Variants in PRMT1 observed in about 807,000 individuals in gnomAD.
PRMT1 encodes protein arginine N-methyltransferase 1.
Under a neutral mutation model 47.4 loss-of-function variants are expected in PRMT1, and 5 were observed. The observed-to-expected ratio is 0.11, with a 90% CI of 0.06 to 0.22. The LOEUF (loss-of-function observed/expected upper bound fraction) is 0.22. Among genes scored for constraint, PRMT1 ranks in the 10% least tolerant of loss-of-function variants. The pLI, the probability that PRMT1 is intolerant of heterozygous loss-of-function variation, is 1.00. For missense variants in PRMT1, 249 were observed against 518.4 expected (o/e 0.48, Z 5.05); for synonymous variants, 227 against 204.6 (o/e 1.11, Z -0.94).
In PRMT1 at chr19:49,685,422, A is replaced by G. The variant is rs761891748; in HGVS notation, c.759+385A>G. On this transcript the variant is annotated intron_variant, in intron 8 of 10. Transcript: ENST00000454376. This position sits in a 1 kb window ranked among gnomAD's most constrained non-coding sequence, Gnocchi z 4.7. ...CCTGAGGTCCCAGCTACTCGGGAGGATCACTTGGGCCTGGGAGTTCAAGGC... is the reference window on the plus strand; with the variant it reads ...CCTGAGGTCCCAGCTACTCGGGAGGGTCACTTGGGCCTGGGAGTTCAAGGC... The G allele has an allele frequency of 6.0e-5, 71 of 1,191,000 alleles. No homozygotes were observed. The highest frequency in any genetic ancestry group is 7.4e-5 in the Non-Finnish European group (70 of 949,184). 73.8% of individuals were successfully genotyped at this position (1,191,000 alleles called of 1,614,324 possible).
rs759104655 is a variant in PRMT1 at position 49,679,788 on chromosome 19, C to G, written c.37-84C>G. ...AGGAGAATTGCTGGAAACCCACCCC[C>G]CGGCCAGAGCCCAGGTTCCGCCACC... On this transcript the variant is annotated intron_variant, in intron 1 of 10. Coordinates refer to ENST00000454376, the MANE Select transcript of PRMT1 (RefSeq NM_001536.6). The G allele has an allele frequency of 3.2e-5, 34 of 1,055,644 alleles. 1 individual carries two copies. The Middle Eastern group carries it at 1.4e-3, about 45-fold the overall frequency. The allele number at this position is 1,055,644 out of a possible 1,614,324, so 65.4% of individuals were successfully genotyped here.
chr19:49,677,297 C>A lies in PRMT1; in HGVS notation c.17C>A (p.Ala6Asp). 1 of 1,409,908 alleles carries A rather than the reference C, an allele frequency of 7.1e-7. No individual in the cohort carries two copies. 87.3% of individuals were successfully genotyped at this position (1,409,908 alleles called of 1,614,324 possible). Reference sequence around the variant, plus strand: ...CGGGTGAAGATGGCGGCAGCCGAGGCCGCGAACTGCATCATGGAGGTGAGC... The same window carrying A: ...CGGGTGAAGATGGCGGCAGCCGAGGACGCGAACTGCATCATGGAGGTGAGC... MAAAE[A>D]ANCIMENFVA... The change falls in exon 1 of 11, where the codon GCC becomes GAC. Residue 6 changes from alanine to aspartate, a missense_variant. Ala to Asp is a moderately radical substitution (Grantham distance 126). Transcript: ENST00000454376.
chr19:49,679,589 G>A (rs534487671), intron 1 of PRMT1: 840 of 688,694 alleles, frequency 1.2e-3, no homozygotes, highest in Non-Finnish European at 1.7e-3. Context: ...GCCTGGATGG[G>A]GGAGGTGTGT....
chr19:49,677,950 C>T (rs987214479), intron 1 of PRMT1, among the ~76,000 whole-genome samples: 7 of 152,180 alleles, frequency 4.6e-5, no homozygotes, highest in South Asian at 4.1e-4. Flanking sequence ...CCCCGTTTCC[C>T]CTCCCAGAAT....
chr19:49,688,170 G>A lies in PRMT1; in HGVS notation c.1041G>A (p.Leu347=), dbSNP rs2082240283. The A allele has an allele frequency of 6.2e-7, 1 of 1,613,744 alleles. No homozygotes were observed. The highest frequency in any genetic ancestry group is 8.5e-7 in the Non-Finnish European group (1 of 1,179,898). Reference sequence around the variant, plus strand: ...CCCACCTCTCCCTGCAGCGGGACCTGGACTTCACCATCGACCTGGACTTCA... The same window carrying A: ...CCCACCTCTCCCTGCAGCGGGACCTAGACTTCACCATCGACCTGGACTTCA... The part of the protein sequence containing the change: ...MRPNAKNNRD[L]DFTIDLDFKG... The change falls in exon 11 of 11, where the codon CTG becomes CTA. Residue 347 remains leucine (L), a synonymous_variant. Transcript: ENST00000454376. This position sits in a 1 kb window ranked among gnomAD's most constrained non-coding sequence, Gnocchi z 5.3.
At position 49,684,414 on chromosome 19, in the gene PRMT1, G is replaced by A. The variant is rs1258663412; in HGVS notation, c.556-340G>A. On this transcript the variant is annotated intron_variant, in intron 6 of 10. Coordinates refer to ENST00000454376, the MANE Select transcript of PRMT1 (RefSeq NM_001536.6). The surrounding 1 kb of genome is among the most constrained non-coding windows in gnomAD (Gnocchi z 6.2). ...CGTGTGGAACAGCAGGGAGGCCCGT[G>A]TGGAAGGAGGGTCTAGAACGGCAGC... is the stretch of plus-strand genomic sequence containing the variant. Among the ~76,000 whole-genome samples, 2 of 152,126 alleles carry A rather than the reference G, an allele frequency of 1.3e-5. No homozygotes were observed. Among genetic ancestry groups the A allele is most frequent in the African/African-American group, 4.8e-5 (2 of 41,418 alleles).
upstream of PRMT1, chr19:49,676,990 C>T (rs1319104355): frequency 5.5e-6 from 2 of 366,540 alleles, no homozygotes; most frequent in African/African-American, 2.1e-5. Context: ...TGGATTTTGC[C>T]CAATCACCAG....
Position 49,681,403 on chromosome 19 carries a change from C to T in PRMT1, c.193-507C>T, listed in dbSNP as rs980657509. 2.6e-5 allele frequency among the ~76,000 whole-genome samples: 4 copies of T among 152,004 alleles called. No homozygotes were observed. The highest frequency in any genetic ancestry group is 7.2e-5 in the African/African-American group (3 of 41,382). On this transcript the variant is annotated intron_variant, in intron 3 of 10. Transcript: ENST00000454376. The surrounding 1 kb of genome is among the most constrained non-coding windows in gnomAD (Gnocchi z 4.4). ...GTTCTTAGGTAGCAGTGGTGAAGTCCGGCCAAGATTGGAGTTTAGACCATC... is the reference window on the plus strand; with the variant it reads ...GTTCTTAGGTAGCAGTGGTGAAGTCTGGCCAAGATTGGAGTTTAGACCATC...
At chr19:49,683,870 G>T (rs1436602400) in intron 5 of PRMT1, 57 bp from the exon 6 acceptor site, 2 of 1,575,134 alleles carry the variant, frequency 1.3e-6, no homozygotes, top group Non-Finnish European at 1.7e-6. Context: ...CCCGGGGGAG[G>T]TGAGGTGAGG....
chr19:49,680,046 A>G lies in PRMT1; in HGVS notation c.90+121A>G. The G allele has an allele frequency of 8.2e-7, 1 of 1,216,564 alleles. No homozygotes were observed. The highest frequency in any genetic ancestry group is 1.2e-6 in the Non-Finnish European group (1 of 845,358). The allele number at this position is 1,216,564 out of a possible 1,614,324, so 75.4% of individuals were successfully genotyped here. On this transcript the variant is annotated intron_variant, in intron 2 of 10. Transcript: ENST00000454376. This position sits in a 1 kb window ranked among gnomAD's most constrained non-coding sequence, Gnocchi z 4.2. The stretch of plus-strand genomic sequence containing the variant: ...CTCTTGCTTCAAACCAGTTTACCCC[A>G]GGCCCCCAGACACTTAGTAGCAACC...
rs746258178 is a variant in PRMT1 at position 49,681,924 on chromosome 19, C to T, written c.207C>T (p.Asp69=). ...TCTTGCCCTAGGAGATGCTGAAGGA[C>T]GAGGTGCGCACCCTCACTTACCGCA... is the stretch of plus-strand genomic sequence containing the variant. ...HFGIHEEMLK[D]EVRTLTYRNS... is the part of the protein sequence containing the mutation. Residue 69 remains aspartate, a synonymous_variant, in exon 4 of 11, where the codon GAC becomes GAT. Coordinates refer to ENST00000454376, the MANE Select transcript of PRMT1 (RefSeq NM_001536.6). This position sits in a 1 kb window ranked among gnomAD's most constrained non-coding sequence, Gnocchi z 4.4. 24 of 1,613,552 alleles carry T rather than the reference C, an allele frequency of 1.5e-5. No homozygotes were observed. In the South Asian group the frequency reaches 2.1e-4, roughly 14 times the overall value.
At position 49,680,105 on chromosome 19, in the gene PRMT1, A is replaced by G; in HGVS notation, c.90+180A>G. 1 of 1,070,700 alleles carries G rather than the reference A, an allele frequency of 9.3e-7. No homozygotes were observed. Among genetic ancestry groups the G allele is most frequent in the Non-Finnish European group, 1.4e-6 (1 of 717,474 alleles). 66.3% of individuals were successfully genotyped at this position (1,070,700 alleles called of 1,614,324 possible). On this transcript the variant is annotated intron_variant, in intron 2 of 10. Coordinates refer to ENST00000454376, the MANE Select transcript of PRMT1 (RefSeq NM_001536.6). This position sits in a 1 kb window ranked among gnomAD's most constrained non-coding sequence, Gnocchi z 4.2. Reference sequence around the variant, plus strand: ...TTCACAGCCCCCGCTGGCCTCCCCCAGTATCGCCGCTACTTCCTTAACTCC... The same window carrying G: ...TTCACAGCCCCCGCTGGCCTCCCCCGGTATCGCCGCTACTTCCTTAACTCC...
chr19:49,686,780 A>C, intron 10 of PRMT1, 54 bp downstream of exon 10: 5 of 236,254 alleles, frequency 2.1e-5, no homozygotes, highest in Non-Finnish European at 3.3e-5. Context: ...GGGAGTGTAG[A>C]TTGGGGGGGG....
Position 49,680,147 on chromosome 19 carries a change from T to C in PRMT1, c.90+222T>C, listed in dbSNP as rs1402367104. On this transcript the variant is annotated intron_variant, in intron 2 of 10. Transcript: ENST00000454376. This position sits in a 1 kb window ranked among gnomAD's most constrained non-coding sequence, Gnocchi z 4.2. Reference sequence around the variant, plus strand: ...CTTAACTCCACCTCCAACCCCCCTTTGCCCTTCCCTGTGTCTGCCCCCATT... The same window carrying C: ...CTTAACTCCACCTCCAACCCCCCTTCGCCCTTCCCTGTGTCTGCCCCCATT... The C allele has an allele frequency of 6.9e-7, 1 of 1,442,350 alleles. No individual in the cohort carries two copies. Among genetic ancestry groups the C allele is most frequent in the African/African-American group, 1.4e-5 (1 of 71,450 alleles). 89.3% of individuals were successfully genotyped at this position (1,442,350 alleles called of 1,614,324 possible). A position where few individuals can be genotyped will look rare whatever the true frequency, so the allele number is the denominator to read the frequency against.
intron 5 of PRMT1, 65 bp from the exon 6 acceptor site, chr19:49,683,862 C>G (rs747787542): frequency 6.4e-7 from 1 of 1,561,714 alleles, no homozygotes; most frequent in Non-Finnish European, 8.7e-7. Context: ...CTCTAGCCCC[C>G]GGGGGAGGTG....
In PRMT1 at chr19:49,685,035, A is replaced by C; in HGVS notation, c.757A>C (p.Lys253Gln). 1 of 1,613,896 alleles carries C rather than the reference A, an allele frequency of 6.2e-7. No individual in the cohort carries two copies. The highest frequency in any genetic ancestry group is 8.5e-7 in the Non-Finnish European group (1 of 1,179,906). The change falls in exon 8 of 11, where the codon AAG becomes CAG. Residue 253 changes from lysine to glutamine, a missense_variant and splice_region_variant. This residue lies in a region of PRMT1 where 190 missense variants were observed against 456.7 expected (regional missense o/e 0.42). Transcript: ENST00000454376. The surrounding 1 kb of genome is among the most constrained non-coding windows in gnomAD (Gnocchi z 4.7). ...KQLVTNACLI[K>Q]EVDIYTVKVE... is the part of the protein sequence containing the mutation. The stretch of plus-strand genomic sequence containing the variant: ...GCTGGTCACCAACGCCTGCCTCATA[A>C]AGGTGAGGGGGTGGGCATGGCCAGG...
In PRMT1 at chr19:49,686,106, A is replaced by G. The variant is rs1194219021; in HGVS notation, c.773A>G (p.Tyr258Cys). ...NACLIKEVDI[Y>C]TVKVEDLTFT... Reference sequence around the variant, plus strand: ...CATGTCCTGCAGGAGGTGGACATCTATACCGTCAAGGTGGAAGACCTGACC... The same window carrying G: ...CATGTCCTGCAGGAGGTGGACATCTGTACCGTCAAGGTGGAAGACCTGACC... Residue 258 changes from tyrosine to cysteine, a missense_variant, in exon 9 of 11, where the codon TAT becomes TGT. Tyr to Cys is a radical substitution (Grantham distance 194). Coordinates refer to ENST00000454376, the MANE Select transcript of PRMT1 (RefSeq NM_001536.6). 6.2e-7 allele frequency: 1 copy of G among 1,613,688 alleles called. No individual in the cohort carries two copies. The highest frequency in any genetic ancestry group is 8.5e-7 in the Non-Finnish European group (1 of 1,179,812).
chr19:49,677,173 CG>C, upstream of PRMT1: 1 of 1,102,952 alleles, frequency 9.1e-7, no homozygotes, highest in South Asian at 2.9e-5. Flanking sequence ...AATCTTCCAG[CG>C]GGGTCGCGGT....
At chr19:49,683,773 A>G in intron 5 of PRMT1, 154 bp from the exon 6 acceptor site, 1 of 774,956 alleles carries the variant, frequency 1.3e-6, no homozygotes, top group Non-Finnish European at 2.0e-6. Context: ...GTCCAGAACG[A>G]TGTATGAATT....
Sources: allele counts gnomAD v4.1 joint callset (sites outside exome capture counted in the v4.1 genomes callset), GRCh38; gene constraint gnomAD v4.1.1; regional missense constraint gnomAD v4.1.1; non-coding constraint Gnocchi (gnomAD v3.1); transcripts MANE v1.5; gene names NCBI Gene and HGNC (gene_info 2026-07-23, HGNC 2026-07-21).